OR2L13: variants seen among roughly 807,000 people sequenced by gnomAD.
The protein encoded by OR2L13 is olfactory receptor 2L13.
Under a neutral mutation model 15.3 loss-of-function variants are expected in OR2L13, and 14 were observed. That is an observed-to-expected ratio of 0.91 (90% CI 0.60 to 1.43). The LOEUF (loss-of-function observed/expected upper bound fraction) is 1.43. OR2L13 is among the 40% of genes most tolerant of loss of function. The pLI, the probability that OR2L13 is intolerant of heterozygous loss-of-function variation, is 0.00. For synonymous variants in OR2L13, 152 were observed against 142.9 expected (o/e 1.06, Z -0.45); for missense variants, 367 against 387.9 (o/e 0.95, Z 0.45).
the OR2L13 span, among the ~76,000 whole-genome samples, chr1:248,081,478 C>A: frequency 6.6e-6 from 1 of 151,996 alleles, no homozygotes; most frequent in African/African-American, 2.4e-5. Flanking sequence ...ATTTTATAGG[C>A]CTCATTTACC....
At chr1:248,003,324 T>A in the OR2L13 span, 1 of 1,591,868 alleles carries the variant, frequency 6.3e-7, no homozygotes, top group South Asian at 1.1e-5. Flanking sequence ...CTTAGTCAGC[T>A]CTCCCTCATT....
chr1:248,016,061 G>A, the OR2L13 span, among the ~76,000 whole-genome samples: 9 of 152,224 alleles, frequency 5.9e-5, no homozygotes, highest in African/African-American at 2.2e-4. Context: ...TTATGATAAT[G>A]AGACTATCAC....
At chr1:248,061,863 G>T in the OR2L13 span, 2 of 341,274 alleles carry the variant, frequency 5.9e-6, no homozygotes, top group Non-Finnish European at 1.1e-5. Flanking sequence ...CTAATATGTT[G>T]TCAATGAGAA....
chr1:248,072,456 C>T, the OR2L13 span, among the ~76,000 whole-genome samples: 1 of 152,110 alleles, frequency 6.6e-6, no homozygotes, highest in Non-Finnish European at 1.5e-5. Context: ...CCCTTCCTTA[C>T]ACCTTATACA....
chr1:248,094,328 A>G (rs1043503585), upstream of OR2L13, among the ~76,000 whole-genome samples: 1 of 152,218 alleles, frequency 6.6e-6, no homozygotes, highest in Non-Finnish European at 1.5e-5. Flanking sequence ...AAAAAGAACA[A>G]TATAACCCCA....
At chr1:248,032,044 A>C in the OR2L13 span, among the ~76,000 whole-genome samples, 1 of 152,174 alleles carries the variant, frequency 6.6e-6, no homozygotes, top group East Asian at 1.9e-4. Context: ...TACATATTCT[A>C]ATTGCCAATA....
the OR2L13 span, among the ~76,000 whole-genome samples, chr1:248,070,009 C>T: frequency 1.3e-5 from 2 of 151,908 alleles, no homozygotes; most frequent in Non-Finnish European, 2.9e-5. Context: ...GACTTAGACT[C>T]CCACACAATA....
chr1:248,061,094 G>C, the OR2L13 span: 1 of 1,613,982 alleles, frequency 6.2e-7, no homozygotes, highest in African/African-American at 1.3e-5. Flanking sequence ...ATGAGCAAAA[G>C]AATGTGTGTG....
At chr1:248,003,592 T>C in the OR2L13 span, 15 of 1,612,236 alleles carry the variant, frequency 9.3e-6, no homozygotes, top group Admixed American at 1.7e-5. Context: ...GCTCGATCAA[T>C]GCTTGTGCTC....
chr1:247,992,356 TG>T, the OR2L13 span, among the ~76,000 whole-genome samples: 2 of 152,194 alleles, frequency 1.3e-5, no homozygotes, highest in African/African-American at 2.4e-5. Context: ...AGTTATGTTA[TG>T]GGGGGAGTTT....
At chr1:247,941,912 A>C in the OR2L13 span, among the ~76,000 whole-genome samples, 1 of 152,176 alleles carries the variant, frequency 6.6e-6, no homozygotes, top group Non-Finnish European at 1.5e-5. Context: ...AATCATGATT[A>C]ATTCCCATTT....
At chr1:248,086,879 T>C in the OR2L13 span, among the ~76,000 whole-genome samples, 1 of 151,478 alleles carries the variant, frequency 6.6e-6, no homozygotes, top group Admixed American at 6.6e-5. Context: ...ATTTCTATTA[T>C]ATATATTTAT....
the OR2L13 span, among the ~76,000 whole-genome samples, chr1:247,994,383 C>A: frequency 6.6e-6 from 1 of 152,028 alleles, no homozygotes; most frequent in Admixed American, 6.6e-5. Context: ...GGCGACAGAG[C>A]GAGACTCCAT....
At chr1:248,065,129 T>C in the OR2L13 span, among the ~76,000 whole-genome samples, 1 of 152,244 alleles carries the variant, frequency 6.6e-6, no homozygotes, top group Non-Finnish European at 1.5e-5. Context: ...ATTAATGAAT[T>C]CATTACCTCA....
At chr1:248,024,029 G>C in the OR2L13 span, 1 of 151,956 alleles carries the variant, frequency 6.6e-6, no homozygotes, top group Non-Finnish European at 1.5e-5. Context: ...ATTTTTATTT[G>C]TTATTAATTT....
the OR2L13 span, chr1:248,003,596 T>G: frequency 6.2e-7 from 1 of 1,612,082 alleles, no homozygotes; most frequent in South Asian, 1.1e-5. Flanking sequence ...GATCAATGCT[T>G]GTGCTCACAC....
At chr1:248,002,854 CA>C in the OR2L13 span, among the ~76,000 whole-genome samples, 345 of 123,658 alleles carry the variant, frequency 2.8e-3, 1 homozygote, top group Admixed American at 2.9e-3. Context: ...GACTCCAGCT[CA>C]AAAAAAAAAA....
At chr1:247,965,667 T>TGA in the OR2L13 span, 1 of 1,546,744 alleles carries the variant, frequency 6.5e-7, no homozygotes, top group Non-Finnish European at 8.7e-7. Context: ...TTTTGGGCTG[T>TGA]GAGATTCAAA....
chr1:248,041,359 C>G, the OR2L13 span: 1 of 152,058 alleles, frequency 6.6e-6, no homozygotes, highest in Non-Finnish European at 1.5e-5. Flanking sequence ...AAAATCAATT[C>G]AAGATGGATT....
Sources: allele counts gnomAD v4.1 joint callset (sites outside exome capture counted in the v4.1 genomes callset), GRCh38; gene constraint gnomAD v4.1.1; transcripts MANE v1.5; gene names NCBI Gene and HGNC (gene_info 2026-07-23, HGNC 2026-07-21).